Variants in TOGARAM1 observed in about 807,000 individuals in gnomAD.
TOGARAM1 encodes TOG array regulator of axonemal microtubules protein 1.
Under a neutral mutation model 166.6 loss-of-function variants are expected in TOGARAM1, and 100 were observed. The ratio of observed to expected loss-of-function variants is 0.60; its 90% CI spans 0.51 to 0.71. TOGARAM1 has a LOEUF of 0.71. Among genes scored for constraint, TOGARAM1 ranks in the 30% least tolerant of loss-of-function variants. The pLI, the probability that TOGARAM1 is intolerant of heterozygous loss-of-function variation, is 0.00. For synonymous variants in TOGARAM1, 758 were observed against 763.8 expected, an observed-to-expected ratio of 0.99 and a Z score of 0.13; for missense variants, 2,029 against 2,102.7, an observed-to-expected ratio of 0.96 and a Z score of 0.69.
chr14:45,058,867 ATTTGATTCCT>A (rs1292791272), intron 16 of TOGARAM1, among the ~76,000 whole-genome samples: 1 of 151,754 alleles, frequency 6.6e-6, no homozygotes, highest in Non-Finnish European at 1.5e-5. Context: ...TCATGTTGCC[ATTTGATTCCT>A]TTCTCTTCCT....
At chr14:44,987,225 C>A (rs1348155691) in intron 1 of TOGARAM1, among the ~76,000 whole-genome samples, 4 of 151,618 alleles carry the variant, frequency 2.6e-5, no homozygotes, top group African/African-American at 9.7e-5. Context: ...AAGTGTGAGC[C>A]ACTGTGCCCA....
intron 7 of TOGARAM1, among the ~76,000 whole-genome samples, chr14:45,023,180 T>A (rs1156395633): frequency 1.3e-5 from 2 of 152,152 alleles, no homozygotes; most frequent in East Asian, 1.9e-4. Flanking sequence ...AGTATACAAG[T>A]TGAGGCTGGG....
chr14:44,964,918 C>G (rs993673943), intron 1 of TOGARAM1, among the ~76,000 whole-genome samples: 1 of 88,204 alleles, frequency 1.1e-5, no homozygotes, highest in African/African-American at 4.6e-5. Flanking sequence ...TGCAGGAATA[C>G]TGAAGACAGA....
chr14:45,068,497 A>C lies in TOGARAM1; in HGVS notation c.4823A>C (p.His1608Pro), dbSNP rs368961101. ...KVNLVALETM[H>P]KMIPLLRDHL... ...AATCTGGTGGCTCTGGAAACAATGC[A>C]CAAAATGATTCCTCTACTTAGAGAC... Residue 1608 changes from histidine (H) to proline (P), a missense_variant, in exon 18 of 20, where the codon CAC (histidine) becomes CCC (proline). By Grantham distance (77) the His-to-Pro change is moderately conservative. Coordinates refer to ENST00000361462, the MANE Select transcript of TOGARAM1 (RefSeq NM_001308120.2). 4 of 1,613,590 alleles carry C rather than the reference A, an allele frequency of 2.5e-6. No individual in the cohort carries two copies. Among genetic ancestry groups the C allele is most frequent in the Admixed American group, 3.3e-5 (2 of 59,974 alleles).
intron 5 of TOGARAM1, 45 bp from the exon 6 acceptor site, chr14:45,008,868 T>C: frequency 6.8e-7 from 1 of 1,477,152 alleles, no homozygotes; most frequent in East Asian, 2.3e-5. Context: ...TTTACCAATA[T>C]AAGGAATTTA....
intron 7 of TOGARAM1, among the ~76,000 whole-genome samples, chr14:45,017,040 T>C (rs569359216): frequency 6.6e-6 from 1 of 152,342 alleles, no homozygotes; most frequent in South Asian, 2.1e-4. Context: ...GGTCACTTGA[T>C]ATTTCATCTA....
chr14:45,004,230 T>G lies in TOGARAM1; in HGVS notation c.2508T>G (p.Ser836=). ...SPKHTSPLII[S]PKKSQDNSVN... is the part of the protein sequence containing the mutation. Reference sequence around the variant, plus strand: ...AGCATACATCTCCTCTTATTATATCTCCAAAGAAGTCTCAAGATAATTCTG... The same window carrying G: ...AGCATACATCTCCTCTTATTATATCGCCAAAGAAGTCTCAAGATAATTCTG... The change falls in exon 4 of 20, where the codon TCT becomes TCG. Residue 836 remains serine, a synonymous_variant. Transcript: ENST00000361462. 6.2e-7 allele frequency: 1 copy of G among 1,613,976 alleles called. No homozygotes were observed.
chr14:45,068,965 A>G (rs575567763), intron 18 of TOGARAM1, among the ~76,000 whole-genome samples: 1 of 152,146 alleles, frequency 6.6e-6, no homozygotes, highest in East Asian at 1.9e-4. Context: ...TAAAAATAAG[A>G]AAATAATAAT....
intron 16 of TOGARAM1, among the ~76,000 whole-genome samples, 188 bp downstream of exon 16, chr14:45,054,737 C>G (rs886919485): frequency 7.2e-5 from 11 of 152,118 alleles, no homozygotes; most frequent in Non-Finnish European, 1.0e-4. Context: ...CAGCAACTTG[C>G]TTTTATTTGC....
intron 6 of TOGARAM1, among the ~76,000 whole-genome samples, chr14:45,011,631 A>G (rs1287321447): frequency 6.6e-6 from 1 of 151,828 alleles, no homozygotes; most frequent in Admixed American, 6.6e-5. Flanking sequence ...TGGTTTTAGA[A>G]TGGATTCTTG....
rs532172312 is a variant in TOGARAM1 at position 44,999,900 on chromosome 14, A to G, written c.2338+403A>G. Among the ~76,000 whole-genome samples, 526 of 152,292 alleles carry G rather than the reference A, an allele frequency of 3.5e-3. 5 individuals carry two copies. The highest frequency in any genetic ancestry group is 0.012 in the African/African-American group (507 of 41,578). On this transcript the variant is annotated intron_variant, in intron 3 of 19. Transcript: ENST00000361462. ...ACATTACAAATCTACTCCTGTGGTT[A>G]TTTTGAAGTACATAATAAAGTATTG...
intron 1 of TOGARAM1, among the ~76,000 whole-genome samples, chr14:44,986,997 T>C (rs1307308733): frequency 7.0e-6 from 1 of 143,716 alleles, no homozygotes; most frequent in East Asian, 2.0e-4. Flanking sequence ...AGAGCGAGAC[T>C]CTGTCTCAAA....
intron 16 of TOGARAM1, among the ~76,000 whole-genome samples, chr14:45,061,060 A>G (rs1197170245): frequency 6.6e-6 from 1 of 151,908 alleles, no homozygotes; most frequent in Admixed American, 6.6e-5. Flanking sequence ...ATAATGATCT[A>G]TTTTCTTGAT....
At chr14:45,012,193 A>T (rs1879848274) in intron 7 of TOGARAM1, 118 bp downstream of exon 7, 1 of 587,516 alleles carries the variant, frequency 1.7e-6, no homozygotes, top group African/African-American at 1.9e-5. Context: ...AAGACTAATC[A>T]TTTTTTTACT....
At chr14:45,046,733 A>G (rs1027425069) in intron 14 of TOGARAM1, 30 bp downstream of exon 14, 3 of 1,251,416 alleles carry the variant, frequency 2.4e-6, no homozygotes, top group South Asian at 3.9e-5. Flanking sequence ...TGCTAAATCT[A>G]TTATTAATAA....
rs935250243 is a variant in TOGARAM1, at chr14:45,066,760, T to G, written c.4742T>G (p.Ile1581Ser). 6.2e-7 allele frequency: 1 copy of G among 1,611,818 alleles called. No homozygotes were observed. Among genetic ancestry groups the G allele is most frequent in the Non-Finnish European group, 8.5e-7 (1 of 1,178,604 alleles). The change falls in exon 17 of 20, where the codon ATT becomes AGT. Residue 1581 changes from isoleucine (I) to serine (S), a missense_variant. Coordinates refer to ENST00000361462, the MANE Select transcript of TOGARAM1 (RefSeq NM_001308120.2). ...ENNQDLVVGN[I>S]VKIFDAFKSR... ...AATCAAGACCTTGTTGTTGGAAACATTGTGAAGGTAAGGACTTGTCAGAAT... is the reference window on the plus strand; with the variant it reads ...AATCAAGACCTTGTTGTTGGAAACAGTGTGAAGGTAAGGACTTGTCAGAAT...
rs2138703063 is a variant in TOGARAM1 at position 44,963,890 on chromosome 14, T to C, written c.1469T>C (p.Val490Ala). 6.2e-7 allele frequency: 1 copy of C among 1,613,788 alleles called. No individual in the cohort carries two copies. Among genetic ancestry groups the C allele is most frequent in the East Asian group, 2.2e-5 (1 of 44,864 alleles). ...KHKHSRVREE[V>A]VNICICSLLT... ...AAGCATTCCAGAGTGAGAGAGGAGG[T>C]GGTGAACATTTGCATCTGCTCCCTG... Residue 490 changes from valine to alanine, a missense_variant, in exon 1 of 20, where the codon GTG (valine) becomes GCG (alanine). By Grantham distance (64) the Val-to-Ala change is moderately conservative. Transcript: ENST00000361462.
At chr14:45,032,501 G>A (rs1350009247) in intron 11 of TOGARAM1, 125 bp downstream of exon 11, 1 of 988,466 alleles carries the variant, frequency 1.0e-6, no homozygotes, top group African/African-American at 1.7e-5. Context: ...TAGTTCTTAG[G>A]CATCAGAGTC....
chr14:45,028,481 C>A, intron 10 of TOGARAM1, 152 bp downstream of exon 10: 1 of 752,194 alleles, frequency 1.3e-6, no homozygotes, highest in Non-Finnish European at 2.1e-6. Context: ...AGCTTTGTGA[C>A]CTGGAAGCAG....
Sources: allele counts gnomAD v4.1 joint callset (sites outside exome capture counted in the v4.1 genomes callset), GRCh38; gene constraint gnomAD v4.1.1; transcripts MANE v1.5; gene names NCBI Gene and HGNC (gene_info 2026-07-23, HGNC 2026-07-21).